PTPRT: variants seen among roughly 807,000 people sequenced by gnomAD.
PTPRT encodes receptor-type tyrosine-protein phosphatase T.
Under a neutral mutation model 176.8 loss-of-function variants are expected in PTPRT, and 56 were observed. That is an observed-to-expected ratio of 0.32 (90% confidence interval 0.26 to 0.40). The LOEUF is 0.40. Among genes scored for constraint, PTPRT ranks in the 10% least tolerant of loss-of-function variants. The pLI is 1.00. For synonymous variants in PTPRT, 783 were observed against 739.0 expected (o/e 1.06, Z -0.96); for missense variants, 1,540 against 1,908.2 (o/e 0.81, Z 3.60).
intron 8 of PTPRT, among the ~76,000 whole-genome samples, chr20:42,465,895 T>C (rs1404784043): frequency 6.6e-6 from 1 of 152,182 alleles, no homozygotes; most frequent in Non-Finnish European, 1.5e-5. Context: ...AAGCCCCATA[T>C]GCATTAACTA....
At position 42,363,556 on chromosome 20, in the gene PTPRT, C is replaced by T. The variant is rs540785187; in HGVS notation, c.1561-11271G>A. On this transcript the variant is annotated intron_variant, in intron 9 of 30. Transcript: ENST00000373187. ...AACTCCTGACCTCAGGTGATCAGCC[C>T]GCCTCGGCCTCCCAAAGTGCTAGGA... Among the ~76,000 whole-genome samples the T allele has an allele frequency of 1.6e-4, 24 of 151,508 alleles. 1 individual carries two copies. Among genetic ancestry groups the T allele is most frequent in the East Asian group, 9.8e-4 (5 of 5,118 alleles).
chr20:42,877,274 T>C (rs1197347142), intron 2 of PTPRT, among the ~76,000 whole-genome samples: 1 of 152,164 alleles, frequency 6.6e-6, no homozygotes, highest in African/African-American at 2.4e-5. Flanking sequence ...CTCTGGCTGC[T>C]GGCCCATCCT....
chr20:42,067,477 T>TC, the PTPRT span, among the ~76,000 whole-genome samples: 115,210 of 151,848 alleles, frequency 0.76, 44,000 homozygotes, highest in South Asian at 0.84. Context: ...ATCCACATAC[T>TC]CTCCACCCCA....
At chr20:43,180,499 T>C (rs936709208) in intron 1 of PTPRT, among the ~76,000 whole-genome samples, 4 of 151,754 alleles carry the variant, frequency 2.6e-5, no homozygotes, top group African/African-American at 7.3e-5. Context: ...GTTTCACTCT[T>C]GTCTCCCGGG....
chr20:42,321,570 C>T (rs1304402750), intron 11 of PTPRT, among the ~76,000 whole-genome samples: 2 of 152,160 alleles, frequency 1.3e-5, no homozygotes, highest in African/African-American at 4.8e-5. Flanking sequence ...TACATAATTA[C>T]CAGTATTCTG....
chr20:42,809,630 G>A (rs748422506), intron 2 of PTPRT, among the ~76,000 whole-genome samples: 9 of 152,182 alleles, frequency 5.9e-5, no homozygotes, highest in Non-Finnish European at 1.0e-4. Flanking sequence ...GAAGTCTCTA[G>A]GGGATAATTC....
At chr20:42,877,775 T>C (rs2078958428) in intron 2 of PTPRT, among the ~76,000 whole-genome samples, 1 of 152,098 alleles carries the variant, frequency 6.6e-6, no homozygotes, top group Non-Finnish European at 1.5e-5. Flanking sequence ...CCACACAGCT[T>C]TTTACAGCTA....
intron 9 of PTPRT, among the ~76,000 whole-genome samples, chr20:42,447,926 C>G (rs1267589589): frequency 3.9e-5 from 6 of 152,344 alleles, no homozygotes; most frequent in Non-Finnish European, 8.8e-5. Flanking sequence ...TGGGCCTTCT[C>G]TTCCACATAA....
intron 6 of PTPRT, among the ~76,000 whole-genome samples, chr20:42,712,568 T>C (rs2076160856): frequency 6.6e-6 from 1 of 152,128 alleles, no homozygotes; most frequent in African/African-American, 2.4e-5. Flanking sequence ...CAGCGTGACC[T>C]TGGTTCTATC....
intron 13 of PTPRT, among the ~76,000 whole-genome samples, chr20:42,273,855 C>T (rs1475726566): frequency 1.3e-5 from 2 of 152,190 alleles, no homozygotes; most frequent in Non-Finnish European, 2.9e-5. Flanking sequence ...GAGTTAAAGC[C>T]TTAGTTGGGT....
chr20:42,853,789 C>T (rs996010806), intron 2 of PTPRT, among the ~76,000 whole-genome samples: 1 of 152,176 alleles, frequency 6.6e-6, no homozygotes, highest in East Asian at 1.9e-4. Flanking sequence ...CCATCACAAC[C>T]TTGTATACGT....
chr20:42,243,134 A>G (rs183234991), intron 14 of PTPRT, among the ~76,000 whole-genome samples: 7 of 152,208 alleles, frequency 4.6e-5, no homozygotes, highest in African/African-American at 9.6e-5. Flanking sequence ...AATGAGACCA[A>G]GAGAATGTAG....
chr20:42,578,050 A>C (rs1366776639), intron 7 of PTPRT, among the ~76,000 whole-genome samples: 4 of 152,020 alleles, frequency 2.6e-5, no homozygotes, highest in Non-Finnish European at 5.9e-5. Flanking sequence ...TCTGACCCTG[A>C]GATCCTCACA....
intron 7 of PTPRT, among the ~76,000 whole-genome samples, chr20:42,666,739 C>A (rs1034287435): frequency 1.1e-4 from 17 of 152,182 alleles, no homozygotes; most frequent in Non-Finnish European, 2.4e-4. Flanking sequence ...ACATGCTGCA[C>A]AATTCTTAGC....
intron 5 of PTPRT, among the ~76,000 whole-genome samples, chr20:42,760,145 C>T (rs969232713): frequency 2.2e-4 from 34 of 152,086 alleles, no homozygotes; most frequent in African/African-American, 7.5e-4. Flanking sequence ...TCTTACTTGA[C>T]GGAGGGCAGC....
At chr20:42,830,051 T>C (rs1010856094) in intron 2 of PTPRT, among the ~76,000 whole-genome samples, 25 of 152,214 alleles carry the variant, frequency 1.6e-4, no homozygotes, top group African/African-American at 5.8e-4. Flanking sequence ...CTACCGAAAC[T>C]ATTCCAAAAA....
chr20:42,877,248 A>G (rs1600506913), intron 2 of PTPRT, among the ~76,000 whole-genome samples: 1 of 152,070 alleles, frequency 6.6e-6, no homozygotes, highest in Non-Finnish European at 1.5e-5. Context: ...ACTACTGCAC[A>G]CCCCAATTCT....
chr20:43,039,763 G>A (rs1986530162), intron 1 of PTPRT, among the ~76,000 whole-genome samples: 1 of 152,102 alleles, frequency 6.6e-6, no homozygotes, highest in South Asian at 2.1e-4. Context: ...AAACCAGGCC[G>A]GGTGCACTGG....
At chr20:42,742,887 C>A (rs2076632829) in intron 6 of PTPRT, among the ~76,000 whole-genome samples, 2 of 152,152 alleles carry the variant, frequency 1.3e-5, no homozygotes, top group African/African-American at 4.8e-5. Flanking sequence ...ATGAACAGAG[C>A]CAAGAATGAA....
Sources: gnomAD v4.1 joint callset for allele counts (sites outside exome capture counted in the v4.1 genomes callset) on GRCh38, gnomAD v4.1.1 for gene constraint, MANE v1.5 for transcripts, NCBI Gene and HGNC (gene_info 2026-07-23, HGNC 2026-07-21) for gene names.